The following ALPK1 variants were observed in gnomAD, a reference collection of about 807,000 sequenced individuals.
The protein encoded by ALPK1 is alpha-protein kinase 1.
In ALPK1, 110 loss-of-function variants were observed where a neutral mutation model predicts 120.6. The ratio of observed to expected loss-of-function variants is 0.91; its 90% CI spans 0.78 to 1.07. The LOEUF is 1.07. Among genes scored for constraint, ALPK1 ranks in the 50% least tolerant of loss-of-function variants. The probability of loss-of-function intolerance (pLI) is 0.00; values close to 1 mark genes in which losing one functional copy is unlikely to be tolerated. For missense variants in ALPK1, 1,498 were observed against 1,483.9 expected (o/e 1.01, Z -0.16); for synonymous variants, 582 against 560.3 (o/e 1.04, Z -0.55).
chr4:112,301,030 C>CT lies in ALPK1; in HGVS notation c.-153+3568dup, dbSNP rs1310978251. On this transcript the variant is annotated intron_variant, in intron 1 of 15. Coordinates refer to ENST00000650871, the MANE Select transcript of ALPK1 (RefSeq NM_025144.4). ...AAAAGCCTTGTCCATTCATAATTACCTTTTTTTCTACAAAAAAAAAATTTA... is the reference window on the plus strand; with the variant it reads ...AAAAGCCTTGTCCATTCATAATTACCTTTTTTTTCTACAAAAAAAAAATTTA... 5.9e-5 allele frequency among the ~76,000 whole-genome samples: 9 copies of CT among 152,016 alleles called. 1 individual carries two copies.
At chr4:112,301,132 G>T (rs537798231) in intron 1 of ALPK1, among the ~76,000 whole-genome samples, 1 of 152,148 alleles carries the variant, frequency 6.6e-6, no homozygotes, top group Non-Finnish European at 1.5e-5. Flanking sequence ...GACACTGCTG[G>T]TCAGCCCGTC....
At chr4:112,335,878 C>T (rs546265921) in intron 2 of ALPK1, among the ~76,000 whole-genome samples, 1 of 152,166 alleles carries the variant, frequency 6.6e-6, no homozygotes, top group African/African-American at 2.4e-5. Context: ...TCATCCCTTG[C>T]GTTCTTGGGA....
intron 13 of ALPK1, 119 bp downstream of exon 13, chr4:112,438,765 T>G (rs1734900464): frequency 8.7e-7 from 1 of 1,156,004 alleles, no homozygotes; most frequent in Non-Finnish European, 1.3e-6. Context: ...CCTTGTGTGT[T>G]GTCCCTGTAC....
Position 112,411,813 on chromosome 4 carries a change from C to A in ALPK1, c.277-14C>A. The A allele has an allele frequency of 6.2e-7, 1 of 1,601,828 alleles. No homozygotes were observed. The highest frequency in any genetic ancestry group is 8.5e-7 in the Non-Finnish European group (1 of 1,174,502). On this transcript the variant is annotated splice_polypyrimidine_tract_variant and intron_variant, in intron 4 of 15. Transcript: ENST00000650871. ...TTTCCGCCTGGCTCACGATGTTCCA[C>A]GCTGTTCCTCCAGGCGTCCCTGAGG...
chr4:112,370,261 A>G (rs769228536), intron 2 of ALPK1, among the ~76,000 whole-genome samples: 9 of 152,240 alleles, frequency 5.9e-5, no homozygotes, highest in Non-Finnish European at 1.0e-4. Context: ...CACATACAGC[A>G]TGTATAAACA....
chr4:112,405,774 A>T (rs1350037717), intron 4 of ALPK1, among the ~76,000 whole-genome samples: 34 of 152,090 alleles, frequency 2.2e-4, no homozygotes, highest in Admixed American at 2.2e-3. Flanking sequence ...ACGGGGTTTC[A>T]CTACGTTGGC....
Position 112,412,508 on chromosome 4 carries a change from C to T in ALPK1, c.475+483C>T, listed in dbSNP as rs559505408. 6.9e-5 allele frequency: 31 copies of T among 450,478 alleles called. No homozygotes were observed. In the East Asian group the frequency reaches 1.3e-3, roughly 18 times the overall value. The allele number at this position is 450,478 out of a possible 1,614,324, so 27.9% of individuals were successfully genotyped here. On this transcript the variant is annotated intron_variant, in intron 5 of 15. Transcript: ENST00000650871. ...ATCATTCAGAACACCGGTACAGTAC[C>T]TGATTAGGTCTTAAAGTATCTTTTT...
intron 1 of ALPK1, among the ~76,000 whole-genome samples, chr4:112,299,351 C>A (rs1212605761): frequency 6.6e-6 from 1 of 152,050 alleles, no homozygotes; most frequent in African/African-American, 2.4e-5. Context: ...TGATTTTAGG[C>A]AGTACATGTC....
chr4:112,356,698 C>A, intron 2 of ALPK1: 5 of 971,590 alleles, frequency 5.1e-6, no homozygotes, highest in Non-Finnish European at 8.2e-6. Flanking sequence ...TGGCCAGCCC[C>A]ATCCTGGACA....
chr4:112,417,724 G>A (rs754538086), intron 5 of ALPK1, among the ~76,000 whole-genome samples: 4 of 152,216 alleles, frequency 2.6e-5, no homozygotes, highest in African/African-American at 7.2e-5. Context: ...GGGCTCAAGC[G>A]ATCCTCCTGC....
intron 2 of ALPK1, among the ~76,000 whole-genome samples, chr4:112,323,422 A>C (rs1728952121): frequency 1.3e-5 from 2 of 152,160 alleles, no homozygotes; most frequent in Admixed American, 6.5e-5. Flanking sequence ...AAAATTCCAG[A>C]ACTATGTCTA....
chr4:112,418,227 A>G (rs945646134), intron 5 of ALPK1, among the ~76,000 whole-genome samples: 2 of 152,194 alleles, frequency 1.3e-5, no homozygotes, highest in African/African-American at 4.8e-5. Flanking sequence ...CAGAGAAGTC[A>G]CCAAGGTTCC....
intron 4 of ALPK1, among the ~76,000 whole-genome samples, chr4:112,387,359 C>T (rs1011977606): frequency 1.3e-5 from 2 of 152,138 alleles, no homozygotes; most frequent in Non-Finnish European, 2.9e-5. Flanking sequence ...GTGTGATAGC[C>T]CTGAGTTTGA....
chr4:112,346,237 A>C (rs1310881613), intron 2 of ALPK1, among the ~76,000 whole-genome samples: 1 of 152,172 alleles, frequency 6.6e-6, no homozygotes, highest in Non-Finnish European at 1.5e-5. Flanking sequence ...CTTTAATATC[A>C]TTTATTATAT....
intron 4 of ALPK1, among the ~76,000 whole-genome samples, chr4:112,386,697 G>A (rs1003733121): frequency 6.6e-5 from 10 of 152,144 alleles, no homozygotes; most frequent in African/African-American, 2.2e-4. Flanking sequence ...AGGCTTTGAA[G>A]TATTATTTCA....
At position 112,369,380 on chromosome 4, in the gene ALPK1, T is replaced by C. The variant is rs201999685; in HGVS notation, c.-100-8298T>C. ...TATGGTGATAGTTTATGTCTATGGGTGCTCAGAGAAGAGTGAAATGGTGGG... is the reference window on the plus strand; with the variant it reads ...TATGGTGATAGTTTATGTCTATGGGCGCTCAGAGAAGAGTGAAATGGTGGG... On this transcript the variant is annotated intron_variant, in intron 2 of 15. Transcript: ENST00000650871. Among the ~76,000 whole-genome samples, 13 of 152,324 alleles carry C rather than the reference T, an allele frequency of 8.5e-5. No homozygotes were observed. The East Asian group carries it at 2.5e-3, about 29-fold the overall frequency.
intron 1 of ALPK1, among the ~76,000 whole-genome samples, chr4:112,303,075 G>GCCACATCTGATCTTCTGATCTTCCTC (rs1727861771): frequency 6.6e-5 from 10 of 151,980 alleles, no homozygotes; most frequent in Non-Finnish European, 1.2e-4. Context: ...TGATCTTCCT[G>GCCACATCTGATCTTCTGATCTTCCTC]CCACATCTGA....
chr4:112,339,900 T>A (rs916870), intron 2 of ALPK1, among the ~76,000 whole-genome samples: 103,792 of 152,180 alleles, frequency 0.68, 35,736 homozygotes, highest in East Asian at 0.89. Flanking sequence ...AAATACTTGG[T>A]TATAGTTCAT....
At chr4:112,394,959 C>T (rs1324344906) in intron 4 of ALPK1, among the ~76,000 whole-genome samples, 1 of 152,178 alleles carries the variant, frequency 6.6e-6, no homozygotes, top group Non-Finnish European at 1.5e-5. Flanking sequence ...AGAAAAACAT[C>T]ATCTCCCAAA....
Sources: gnomAD v4.1 joint callset for allele counts (sites outside exome capture counted in the v4.1 genomes callset) on GRCh38, gnomAD v4.1.1 for gene constraint, MANE v1.5 for transcripts, NCBI Gene and HGNC (gene_info 2026-07-23, HGNC 2026-07-21) for gene names.